Variants in DENND5B observed in about 807,000 individuals in gnomAD.
DENND5B encodes DENN domain containing 5B.
Under a neutral mutation model 140.6 loss-of-function variants are expected in DENND5B, and 34 were observed. That is an observed-to-expected ratio of 0.24 (90% CI 0.18 to 0.32). DENND5B has a LOEUF of 0.32. Among genes scored for constraint, DENND5B ranks in the 10% least tolerant of loss-of-function variants. DENND5B has a pLI of 1.00. For missense variants in DENND5B, 1,142 were observed against 1,560.2 expected, an observed-to-expected ratio of 0.73 and a Z score of 4.52; for synonymous variants, 551 against 562.1, an observed-to-expected ratio of 0.98 and a Z score of 0.28.
intron 1 of DENND5B, among the ~76,000 whole-genome samples, chr12:31,528,601 C>A (rs558505243): frequency 1.3e-5 from 2 of 152,094 alleles, no homozygotes; most frequent in Non-Finnish European, 2.9e-5. Context: ...TACGAACAGA[C>A]CAAACACGGA....
intron 4 of DENND5B, among the ~76,000 whole-genome samples, chr12:31,459,717 C>T (rs1301593228): frequency 6.6e-6 from 1 of 152,144 alleles, no homozygotes; most frequent in Admixed American, 6.5e-5. Flanking sequence ...AAATAACTGG[C>T]CTTGTATCTG....
At chr12:31,474,936 A>C (rs1945725619) in intron 3 of DENND5B, among the ~76,000 whole-genome samples, 1 of 152,242 alleles carries the variant, frequency 6.6e-6, no homozygotes, top group South Asian at 2.1e-4. Flanking sequence ...AATCATTTAA[A>C]AATAAATATT....
intron 17 of DENND5B, among the ~76,000 whole-genome samples, chr12:31,395,051 T>G (rs566025332): frequency 2.6e-5 from 4 of 152,168 alleles, no homozygotes; most frequent in African/African-American, 9.7e-5. Flanking sequence ...CTTTCACCAG[T>G]TGATGTATAT....
At chr12:31,483,847 GC>G (rs1268675478) in intron 2 of DENND5B, among the ~76,000 whole-genome samples, 5 of 150,578 alleles carry the variant, frequency 3.3e-5, no homozygotes, top group Non-Finnish European at 7.4e-5. Flanking sequence ...GCAAATTAGA[GC>G]AGTTTTCTTT....
At chr12:31,487,142 T>C (rs1001135250) in intron 2 of DENND5B, among the ~76,000 whole-genome samples, 2 of 152,166 alleles carry the variant, frequency 1.3e-5, no homozygotes, top group South Asian at 2.1e-4. Flanking sequence ...TCATTGAATA[T>C]GAGATGTGGA....
At chr12:31,393,189 G>A (rs1165123841) in intron 17 of DENND5B, among the ~76,000 whole-genome samples, 1 of 152,034 alleles carries the variant, frequency 6.6e-6, no homozygotes, top group African/African-American at 2.4e-5. Context: ...ATCTACCTAC[G>A]AGCCTGTTAG....
intron 17 of DENND5B, among the ~76,000 whole-genome samples, chr12:31,395,196 G>A (rs1239547825): frequency 2.0e-5 from 3 of 152,176 alleles, no homozygotes; most frequent in Admixed American, 2.0e-4. Context: ...CGTACGGTAA[G>A]TGTGCATGTA....
rs142161539 is a variant in DENND5B, at chr12:31,507,401, C to T, written c.128-11482G>A. On this transcript the variant is annotated intron_variant, in intron 1 of 20. Transcript: ENST00000389082. ...GATCCTGCCTGGGCCTCCCAAAGCA[C>T]TGGCATTAAAATCATTTGCCACTGC... Among the ~76,000 whole-genome samples the T allele has an allele frequency of 1.0e-2, 1,521 of 152,270 alleles. 13 individuals carry two copies. Among genetic ancestry groups the T allele is most frequent in the Non-Finnish European group, 0.012 (807 of 68,018 alleles).
chr12:31,482,129 A>G (rs933510907), intron 2 of DENND5B, among the ~76,000 whole-genome samples: 1 of 152,208 alleles, frequency 6.6e-6, no homozygotes, highest in African/African-American at 2.4e-5. Context: ...CAGCCATTTC[A>G]GATTGTGGTC....
chr12:31,534,315 A>C (rs1948406085), intron 1 of DENND5B, among the ~76,000 whole-genome samples: 1 of 151,952 alleles, frequency 6.6e-6, no homozygotes, highest in Non-Finnish European at 1.5e-5. Flanking sequence ...ATGTGCCACG[A>C]TACTCAGCTT....
At position 31,391,207 on chromosome 12, in the gene DENND5B, T is replaced by C. The variant is rs575338842; in HGVS notation, c.3466+1060A>G. Among the ~76,000 whole-genome samples the C allele has an allele frequency of 2.0e-5, 3 of 152,318 alleles. No individual in the cohort carries two copies. In the East Asian group the frequency reaches 5.8e-4, roughly 29 times the overall value. On this transcript the variant is annotated intron_variant, in intron 19 of 20. Coordinates refer to ENST00000389082, the MANE Select transcript of DENND5B (RefSeq NM_144973.4). Reference sequence around the variant, plus strand: ...CTCTCTTGCTGTGCTCCAGTCACACTGGGCTTGGAGTTCCATGGAAACACT... The same window carrying C: ...CTCTCTTGCTGTGCTCCAGTCACACCGGGCTTGGAGTTCCATGGAAACACT...
chr12:31,491,905 T>TTACA (rs1946540278), intron 2 of DENND5B, among the ~76,000 whole-genome samples: 1 of 152,214 alleles, frequency 6.6e-6, no homozygotes, highest in Non-Finnish European at 1.5e-5. Flanking sequence ...ATGACTAATA[T>TTACA]TACAGAAGGT....
intron 17 of DENND5B, among the ~76,000 whole-genome samples, chr12:31,395,796 T>C (rs1287218488): frequency 6.6e-6 from 1 of 152,044 alleles, no homozygotes; most frequent in East Asian, 1.9e-4. Context: ...TAAACTTCTG[T>C]GATTTTTCCC....
chr12:31,548,644 C>T (rs773506977), intron 1 of DENND5B, among the ~76,000 whole-genome samples: 3 of 152,154 alleles, frequency 2.0e-5, no homozygotes, highest in Non-Finnish European at 2.9e-5. Context: ...GAGAACCTGA[C>T]ATTTTCTCAA....
At chr12:31,394,951 C>T (rs964813981) in intron 17 of DENND5B, among the ~76,000 whole-genome samples, 7 of 152,122 alleles carry the variant, frequency 4.6e-5, no homozygotes, top group Admixed American at 1.3e-4. Flanking sequence ...TAGCTCCTAA[C>T]TCCTGGCAAC....
At position 31,590,970 on chromosome 12, in the gene DENND5B, T is replaced by G; in HGVS notation, c.-138A>C. The G allele has an allele frequency of 1.1e-6, 1 of 949,952 alleles. No individual in the cohort carries two copies. The highest frequency in any genetic ancestry group is 1.3e-6 in the Non-Finnish European group (1 of 776,768). The allele number at this position is 949,952 out of a possible 1,614,324, so 58.8% of individuals were successfully genotyped here. A position where few individuals can be genotyped will look rare whatever the true frequency, so the allele number is the denominator to read the frequency against. On this transcript the variant is annotated 5_prime_UTR_variant, in exon 1 of 21. Coordinates refer to ENST00000389082, the MANE Select transcript of DENND5B (RefSeq NM_144973.4). ...GCGCGCCCATGGCCGCGCAGCCGCC[T>G]CTCGCCGCCGCAGCCTGCCTCCTCG...
rs369786143 is a variant in DENND5B at position 31,460,432 on chromosome 12, T to C, written c.905-51A>G. ...GGGAAGAGTCCAAGTAAAAACACAA[T>C]CACTTCATTAAGCTGGAAAATGTGG... On this transcript the variant is annotated intron_variant, in intron 3 of 20. Coordinates refer to ENST00000389082, the MANE Select transcript of DENND5B (RefSeq NM_144973.4). 60 of 1,546,286 alleles carry C rather than the reference T, an allele frequency of 3.9e-5. No homozygotes were observed. In the African/African-American group the frequency reaches 4.3e-4, roughly 11 times the overall value.
chr12:31,518,410 A>G (rs1223542970), intron 1 of DENND5B, among the ~76,000 whole-genome samples: 1 of 152,144 alleles, frequency 6.6e-6, no homozygotes, highest in Non-Finnish European at 1.5e-5. Context: ...GAGTCTCCAG[A>G]AACCCAGTCT....
At position 31,480,149 on chromosome 12, in the gene DENND5B, A is replaced by G; in HGVS notation, c.344T>C (p.Phe115Ser). ...AACTTCTTCATAAAAAGTGAGAACA[A>G]AACCATAGGTGCGAGAACCATCTTC... ...TREDGSRTYG[F>S]VLTFYEEVTS... Residue 115 changes from phenylalanine (F) to serine (S), a missense_variant, in exon 3 of 21, where the codon TTT (phenylalanine) becomes TCT (serine). By Grantham distance (155) the Phe-to-Ser change is radical. This residue lies in a region of DENND5B where 708 missense variants were observed against 905.5 expected (regional missense o/e 0.78). Transcript: ENST00000389082. The G allele has an allele frequency of 1.2e-5, 20 of 1,609,694 alleles. No individual in the cohort carries two copies. The highest frequency in any genetic ancestry group is 1.7e-5 in the Non-Finnish European group (20 of 1,177,724).
Sources: allele counts gnomAD v4.1 joint callset (sites outside exome capture counted in the v4.1 genomes callset), GRCh38; gene constraint gnomAD v4.1.1; regional missense constraint gnomAD v4.1.1; transcripts MANE v1.5; gene names NCBI Gene and HGNC (gene_info 2026-07-23, HGNC 2026-07-21).